The following KHDRBS2 variants were observed in gnomAD, a reference collection of about 807,000 sequenced individuals.
KHDRBS2 encodes the protein KH RNA binding domain containing, signal transduction associated 2.
A neutral mutation model predicts 44.3 loss-of-function variants in KHDRBS2; 26 were observed. The observed-to-expected ratio is 0.59, with a 90% CI of 0.43 to 0.81. The LOEUF (loss-of-function observed/expected upper bound fraction) is 0.81, where lower values mean the gene tolerates loss of function less well. KHDRBS2 is among the 40% of genes least tolerant of loss of function. The pLI is 0.00. For synonymous variants in KHDRBS2, 194 were observed against 151.1 expected, an observed-to-expected ratio of 1.28 and a Z score of -2.08; for missense variants, 476 against 433.1, an observed-to-expected ratio of 1.10 and a Z score of -0.88.
At chr6:61,772,609 C>A (rs570936893) in intron 6 of KHDRBS2, among the ~76,000 whole-genome samples, 1 of 151,906 alleles carries the variant, frequency 6.6e-6, no homozygotes, top group Non-Finnish European at 1.5e-5. Context: ...CAAGACTAAA[C>A]CAGGAAGAAG....
At chr6:62,135,732 A>G (rs1811374916) in intron 2 of KHDRBS2, among the ~76,000 whole-genome samples, 3 of 152,186 alleles carry the variant, frequency 2.0e-5, no homozygotes, top group African/African-American at 2.4e-5. Flanking sequence ...GGAACATTAT[A>G]CAGCCTTAAA....
At chr6:62,088,181 G>C (rs1286117239) in intron 2 of KHDRBS2, among the ~76,000 whole-genome samples, 1 of 152,110 alleles carries the variant, frequency 6.6e-6, no homozygotes, top group Non-Finnish European at 1.5e-5. Context: ...GCCACCTTCT[G>C]AAGTCTACTA....
Position 61,855,764 on chromosome 6 carries a change from A to C in KHDRBS2, c.810+38871T>G, listed in dbSNP as rs1403565070. ...ACAGCAGTCTATAGATAAATGTCCCAGTGTCTCTTTCCTTTGGCGGGGCAG... is the reference window on the plus strand; with the variant it reads ...ACAGCAGTCTATAGATAAATGTCCCCGTGTCTCTTTCCTTTGGCGGGGCAG... On this transcript the variant is annotated intron_variant, in intron 6 of 8. Transcript: ENST00000281156. 3.9e-5 allele frequency among the ~76,000 whole-genome samples: 6 copies of C among 152,134 alleles called. No individual in the cohort carries two copies. The East Asian group carries it at 1.2e-3, about 29-fold the overall frequency.
rs1371886593 is a variant in KHDRBS2, at chr6:61,846,416, G to A, written c.810+48219C>T. Among the ~76,000 whole-genome samples the A allele has an allele frequency of 1.1e-4, 16 of 152,100 alleles. 1 individual carries two copies. In the East Asian group the frequency reaches 1.5e-3, roughly 15 times the overall value. ...ATTCCATAAAATGAGTCACATAGAC[G>A]TGTTTCATTCATGTATTACTACTTT... On this transcript the variant is annotated intron_variant, in intron 6 of 8. Coordinates refer to ENST00000281156, the MANE Select transcript of KHDRBS2 (RefSeq NM_152688.4).
At chr6:61,943,789 C>A (rs775567354) in intron 4 of KHDRBS2, among the ~76,000 whole-genome samples, 10 of 151,994 alleles carry the variant, frequency 6.6e-5, no homozygotes, top group African/African-American at 9.7e-5. Context: ...GCAAGGAATG[C>A]AAACAACTCA....
chr6:62,119,919 T>TGAGGTTCAGA (rs1334322819), intron 2 of KHDRBS2, among the ~76,000 whole-genome samples: 4 of 152,100 alleles, frequency 2.6e-5, no homozygotes, highest in Non-Finnish European at 5.9e-5. Flanking sequence ...CCTCAAGAGG[T>TGAGGTTCAGA]GAGGTTCAGA....
At chr6:61,841,741 T>C (rs1207896813) in intron 6 of KHDRBS2, among the ~76,000 whole-genome samples, 1 of 152,238 alleles carries the variant, frequency 6.6e-6, no homozygotes, top group Non-Finnish European at 1.5e-5. Flanking sequence ...TGGCATTTAT[T>C]ATAAAGCATA....
chr6:61,641,542 C>G, the KHDRBS2 span, among the ~76,000 whole-genome samples: 1 of 152,168 alleles, frequency 6.6e-6, no homozygotes, highest in African/African-American at 2.4e-5. Flanking sequence ...TTCATCATCC[C>G]TTAGCATGTA....
intron 4 of KHDRBS2, among the ~76,000 whole-genome samples, chr6:61,963,004 G>C (rs1396166375): frequency 6.6e-6 from 1 of 152,042 alleles, no homozygotes; most frequent in African/African-American, 2.4e-5. Context: ...TGGCCATTCT[G>C]TTTTTATTTC....
At chr6:62,088,575 C>A (rs1264314360) in intron 2 of KHDRBS2, among the ~76,000 whole-genome samples, 1 of 152,152 alleles carries the variant, frequency 6.6e-6, no homozygotes. Context: ...CCTCTGGAAG[C>A]TTTGTCCCAG....
At chr6:62,018,779 AT>A (rs34324402) in intron 3 of KHDRBS2, among the ~76,000 whole-genome samples, 178 of 152,332 alleles carry the variant, frequency 1.2e-3, no homozygotes, top group African/African-American at 4.2e-3. Flanking sequence ...TTACAAAAAT[AT>A]TTTTATATCA....
At chr6:62,253,515 T>A (rs1274164117) in intron 1 of KHDRBS2, among the ~76,000 whole-genome samples, 1 of 151,836 alleles carries the variant, frequency 6.6e-6, no homozygotes, top group Non-Finnish European at 1.5e-5. Context: ...TTTTCTTCCG[T>A]CCCTCTATCT....
At chr6:61,688,220 C>A (rs1053643040) in intron 8 of KHDRBS2, among the ~76,000 whole-genome samples, 1 of 151,530 alleles carries the variant, frequency 6.6e-6, no homozygotes, top group Non-Finnish European at 1.5e-5. Context: ...GTTAATAACT[C>A]ATTTAAATAA....
the KHDRBS2 span, among the ~76,000 whole-genome samples, chr6:61,554,951 C>G: frequency 6.6e-6 from 1 of 152,180 alleles, no homozygotes; most frequent in South Asian, 2.1e-4. Flanking sequence ...TTTTTTATTT[C>G]ATTTTCACCT....
the KHDRBS2 span, among the ~76,000 whole-genome samples, chr6:61,607,520 CAAAAAAAAAAAA>C: frequency 1.2e-4 from 5 of 41,098 alleles, no homozygotes; most frequent in East Asian, 7.5e-3. Context: ...GAGTTCCAAG[CAAAAAAAAAAAA>C]AAAAAAAAAA....
intron 6 of KHDRBS2, among the ~76,000 whole-genome samples, chr6:61,825,472 C>A (rs1790690241): frequency 6.6e-6 from 1 of 152,060 alleles, no homozygotes; most frequent in African/African-American, 2.4e-5. Flanking sequence ...TGTACTTACA[C>A]CAAAATTATC....
the KHDRBS2 span, among the ~76,000 whole-genome samples, chr6:61,664,321 T>C: frequency 6.6e-6 from 1 of 151,782 alleles, no homozygotes; most frequent in Admixed American, 6.6e-5. Context: ...ATTTTGGATA[T>C]AGCAGTATTA....
chr6:61,868,960 G>T (rs1798196061), intron 6 of KHDRBS2, among the ~76,000 whole-genome samples: 1 of 152,190 alleles, frequency 6.6e-6, no homozygotes, highest in Non-Finnish European at 1.5e-5. Context: ...TGGACCCAAG[G>T]CCCTGGTGGA....
At chr6:62,005,526 A>G (rs986864645) in intron 3 of KHDRBS2, among the ~76,000 whole-genome samples, 14 of 151,936 alleles carry the variant, frequency 9.2e-5, no homozygotes, top group Admixed American at 5.9e-4. Flanking sequence ...TACAACAAGC[A>G]TAACTTTCAG....
Sources: gnomAD v4.1 joint callset for allele counts (sites outside exome capture counted in the v4.1 genomes callset) on GRCh38, gnomAD v4.1.1 for gene constraint, MANE v1.5 for transcripts, NCBI Gene and HGNC (gene_info 2026-07-23, HGNC 2026-07-21) for gene names.